EEF1AKMT2: variants seen among roughly 807,000 people sequenced by gnomAD.
EEF1AKMT2 encodes the protein eukaryotic translation elongation factor 1 alpha lysine methyltransferase 2.
EEF1AKMT2 carries 32 observed loss-of-function variants against 35.8 expected under a neutral mutation model. The ratio of observed to expected loss-of-function variants is 0.89; its 90% confidence interval spans 0.67 to 1.20. The LOEUF (loss-of-function observed/expected upper bound fraction) is 1.20. EEF1AKMT2 is among the 50% of genes most tolerant of loss of function. The pLI, the probability that EEF1AKMT2 is intolerant of heterozygous loss-of-function variation, is 0.00. For synonymous variants in EEF1AKMT2, 121 were observed against 133.7 expected (o/e 0.91, Z 0.65); for missense variants, 330 against 347.5 (o/e 0.95, Z 0.40).
At chr10:124,786,038 TATG>T (rs981482685) in intron 3 of EEF1AKMT2, among the ~76,000 whole-genome samples, 1 of 151,572 alleles carries the variant, frequency 6.6e-6, no homozygotes, top group Non-Finnish European at 1.5e-5. Flanking sequence ...CAGCCTACTA[TATG>T]ATGATAGAAG....
Position 124,762,497 on chromosome 10 carries a change from G to C in EEF1AKMT2, c.678C>G (p.Ile226Met). The change falls in exon 6 of 7, where the codon ATC becomes ATG. Residue 226 changes from isoleucine to methionine, a missense_variant. Physicochemically the swap from Ile to Met is conservative, Grantham distance 10. Transcript: ENST00000368836. ...CTACTCGGGAGGCTGAAGTGGAAAA[G>C]ATCGCTTGAGCCCAGGAAGTCAAGG... ...TAALTSWAQA[I>M]FSTSASRVGG... 1 of 1,289,922 alleles carries C rather than the reference G, an allele frequency of 7.8e-7. No individual in the cohort carries two copies. The allele number at this position is 1,289,922 out of a possible 1,614,324, so 79.9% of individuals were successfully genotyped here.
At chr10:124,756,980 G>C (rs949028061), downstream of EEF1AKMT2, among the ~76,000 whole-genome samples, 28 of 152,074 alleles carry the variant, frequency 1.8e-4, no homozygotes, top group African/African-American at 6.5e-4. Context: ...TTCTTCTATG[G>C]ACATCTCTGT....
chr10:124,784,576 A>G lies in EEF1AKMT2; in HGVS notation c.291+4467T>C, dbSNP rs560760926. ...CTAAGCTTCCACCTTAAGAAAGTAA[A>G]AAAAGGAACAAAGTAAAATCAGGAA... On this transcript the variant is annotated intron_variant, in intron 3 of 6. Transcript: ENST00000368836. 4.6e-5 allele frequency among the ~76,000 whole-genome samples: 7 copies of G among 152,224 alleles called. No homozygotes were observed. The South Asian group carries it at 1.5e-3, about 32-fold the overall frequency.
At chr10:124,766,157 C>A (rs2134122395) in intron 4 of EEF1AKMT2, 1 of 152,720 alleles carries the variant, frequency 6.5e-6, no homozygotes, top group South Asian at 2.1e-4. Context: ...TAGTGTGTAA[C>A]CTAAAATAAA....
chr10:124,782,101 G>A (rs1048016688), intron 3 of EEF1AKMT2, among the ~76,000 whole-genome samples: 36 of 152,110 alleles, frequency 2.4e-4, no homozygotes, highest in Non-Finnish European at 7.3e-5. Context: ...ACAGCCATAC[G>A]CAAAGAGATA....
chr10:124,790,312 A>G lies in EEF1AKMT2; in HGVS notation c.137T>C (p.Leu46Pro), dbSNP rs1489767944. ...EHWDAVYERE[L>P]QTFREYGDTG... ...ATCTCCATATTCTCGGAAAGTTTGC[A>G]GTTCTCTCTCATAGACAGCATCCCA... is the stretch of plus-strand genomic sequence containing the variant. The change falls in exon 2 of 7, where the codon CTG becomes CCG. Residue 46 changes from leucine (L) to proline (P), a missense_variant. Leu to Pro is a moderately conservative substitution (Grantham distance 98). Transcript: ENST00000368836. The G allele has an allele frequency of 6.2e-7, 1 of 1,612,824 alleles. No homozygotes were observed.
At position 124,758,443 on chromosome 10, in the gene EEF1AKMT2, A is replaced by C. The variant is rs1950303982; in HGVS notation, c.*2060T>G. On this transcript the variant is annotated 3_prime_UTR_variant, in exon 7 of 7. Transcript: ENST00000368836. ...CCCTAAGAAGCTAGCTTCCAGCAGG[A>C]TTAGAGTAATAAGAAGAGATGACAA... The C allele has an allele frequency of 2.0e-5, 3 of 151,802 alleles. No individual in the cohort carries two copies. The South Asian group carries it at 6.3e-4, about 32-fold the overall frequency. The allele number at this position is 151,802 out of a possible 1,614,324, so 9.4% of individuals were successfully genotyped here.
chr10:124,766,434 A>G (rs572060815), intron 4 of EEF1AKMT2: 48 of 152,338 alleles, frequency 3.2e-4, no homozygotes, highest in Admixed American at 5.2e-4. Flanking sequence ...GAAGTCATAC[A>G]TCACCATCTC....
chr10:124,788,008 A>G (rs544175217), intron 3 of EEF1AKMT2, among the ~76,000 whole-genome samples: 1 of 152,326 alleles, frequency 6.6e-6, no homozygotes, highest in African/African-American at 2.4e-5. Context: ...TGCAAAATCG[A>G]AGGTCTTAAG....
In EEF1AKMT2 at chr10:124,782,475, G is replaced by A. The variant is rs572185673; in HGVS notation, c.291+6568C>T. Among the ~76,000 whole-genome samples, 576 of 151,306 alleles carry A rather than the reference G, an allele frequency of 3.8e-3. 3 individuals are homozygous for A. The highest frequency in any genetic ancestry group is 0.013 in the African/African-American group (520 of 41,284). ...CGGGCGCCTGTAGTCCCAGCTACTCGGGAGGCTGAGGCAGGAGAATGGCGT... is the reference window on the plus strand; with the variant it reads ...CGGGCGCCTGTAGTCCCAGCTACTCAGGAGGCTGAGGCAGGAGAATGGCGT... On this transcript the variant is annotated intron_variant, in intron 3 of 6. Transcript: ENST00000368836.
chr10:124,781,482 G>C (rs756560707), intron 3 of EEF1AKMT2, among the ~76,000 whole-genome samples: 8 of 151,644 alleles, frequency 5.3e-5, no homozygotes, highest in Non-Finnish European at 1.2e-4. Context: ...GGGAGGCTGA[G>C]GCAGAAGAAT....
intron 3 of EEF1AKMT2, among the ~76,000 whole-genome samples, chr10:124,779,272 C>G (rs953021807): frequency 6.6e-6 from 1 of 152,168 alleles, no homozygotes; most frequent in African/African-American, 2.4e-5. Flanking sequence ...ACTGGAATTA[C>G]AAGGACACAC....
chr10:124,788,727 T>TATATATATATATATATATATATAG (rs1950610024), intron 3 of EEF1AKMT2, among the ~76,000 whole-genome samples: 1 of 144,452 alleles, frequency 6.9e-6, no homozygotes, highest in Admixed American at 7.0e-5. Flanking sequence ...TATATATATA[T>TATATATATATATATATATATATAG]ATGCATTTCT....
In EEF1AKMT2 at chr10:124,760,318, TA is replaced by T; in HGVS notation, c.*184del. 1.3e-6 allele frequency: 1 copy of T among 784,300 alleles called. No homozygotes were observed. 48.6% of individuals were successfully genotyped at this position (784,300 alleles called of 1,614,324 possible). ...CAACATGTGCATCCTGTGTACTTAC[TA>T]AGCATTTATTTGCACAAGGATTTTC... On this transcript the variant is annotated 3_prime_UTR_variant, in exon 7 of 7. Transcript: ENST00000368836.
At position 124,769,847 on chromosome 10, in the gene EEF1AKMT2, G is replaced by A. The variant is rs1049409508; in HGVS notation, c.400-4239C>T. Reference sequence around the variant, plus strand: ...CTATAATCCCAGCTACTCGGAGGCTGAGGCAGGAGAATCGCTTGAAACCGG... The same window carrying A: ...CTATAATCCCAGCTACTCGGAGGCTAAGGCAGGAGAATCGCTTGAAACCGG... On this transcript the variant is annotated intron_variant, in intron 4 of 6. Coordinates refer to ENST00000368836, the MANE Select transcript of EEF1AKMT2 (RefSeq NM_212554.4). Among the ~76,000 whole-genome samples, 4 of 149,996 alleles carry A rather than the reference G, an allele frequency of 2.7e-5. No individual in the cohort carries two copies. In the Admixed American group the frequency reaches 2.7e-4, roughly 10 times the overall value.
Position 124,783,762 on chromosome 10 carries a change from C to T in EEF1AKMT2, c.291+5281G>A, listed in dbSNP as rs574650502. Among the ~76,000 whole-genome samples the T allele has an allele frequency of 1.8e-4, 27 of 152,264 alleles. No individual in the cohort carries two copies. In the East Asian group the frequency reaches 4.6e-3, roughly 26 times the overall value. ...TCAGGCTCAGGTGATCCTCCCACTTCAGCCTCCCAAGTAGCTGGGACTACA... is the reference window on the plus strand; with the variant it reads ...TCAGGCTCAGGTGATCCTCCCACTTTAGCCTCCCAAGTAGCTGGGACTACA... On this transcript the variant is annotated intron_variant, in intron 3 of 6. Transcript: ENST00000368836.
chr10:124,774,374 CAAA>C (rs57130146), intron 4 of EEF1AKMT2, among the ~76,000 whole-genome samples: 312 of 21,670 alleles, frequency 0.014, 4 homozygotes, highest in Non-Finnish European at 0.022. Context: ...GACTCAGTCT[CAAA>C]AAAAAAAAAA....
chr10:124,775,858 A>C (rs1367650987), intron 3 of EEF1AKMT2, among the ~76,000 whole-genome samples: 2 of 151,550 alleles, frequency 1.3e-5, no homozygotes, highest in Non-Finnish European at 2.9e-5. Flanking sequence ...CATTTCCCTT[A>C]ACTGCTTCTC....
chr10:124,783,877 T>G (rs997787042), intron 3 of EEF1AKMT2, among the ~76,000 whole-genome samples: 2 of 152,092 alleles, frequency 1.3e-5, no homozygotes, highest in South Asian at 4.1e-4. Flanking sequence ...CAGGCTGGAG[T>G]GCAACGGTGC....
Sources: gnomAD v4.1 joint callset for allele counts (sites outside exome capture counted in the v4.1 genomes callset) on GRCh38, gnomAD v4.1.1 for gene constraint, MANE v1.5 for transcripts, NCBI Gene and HGNC (gene_info 2026-07-23, HGNC 2026-07-21) for gene names.